EGFL6: variants seen among roughly 807,000 people sequenced by gnomAD.
The protein encoded by EGFL6 is EGF like domain multiple 6.
In EGFL6, 42 loss-of-function variants were observed where a neutral mutation model predicts 43.1. The ratio of observed to expected loss-of-function variants is 0.98; its 90% CI spans 0.76 to 1.26. The LOEUF is 1.26. Ranked by LOEUF, EGFL6 falls within the 50% of genes most tolerant of loss-of-function variation. The pLI is 0.00. For missense variants in EGFL6, 429 were observed against 427.8 expected, an observed-to-expected ratio of 1.00 and a Z score of -0.02; for synonymous variants, 164 against 163.2, an observed-to-expected ratio of 1.01 and a Z score of -0.04.
chrX:13,598,424 C>G (rs2045612122), intron 3 of EGFL6, among the ~76,000 whole-genome samples: 1 of 111,592 alleles, frequency 9.0e-6, no homozygotes, highest in African/African-American at 3.3e-5. Context: ...TGTATGTTCC[C>G]TGGTAGAGTT....
intron 3 of EGFL6, among the ~76,000 whole-genome samples, chrX:13,595,613 TG>T (rs770654301): frequency 4.4e-5 from 5 of 112,586 alleles, no homozygotes; most frequent in Admixed American, 2.8e-4. Context: ...AATCTAACAT[TG>T]TTCTCTGCAT....
chrX:13,584,132 C>T (rs1040138195), intron 1 of EGFL6, among the ~76,000 whole-genome samples: 1 of 111,848 alleles, frequency 8.9e-6, no homozygotes, highest in African/African-American at 3.3e-5. Context: ...AAAGAGATAG[C>T]TAAGGCATAG....
intron 5 of EGFL6, among the ~76,000 whole-genome samples, chrX:13,603,758 G>A (rs1483303830): frequency 8.9e-6 from 1 of 112,045 alleles, no homozygotes; most frequent in African/African-American, 3.2e-5. Context: ...GTCATTTAAT[G>A]AGTAAGGTCC....
At chrX:13,631,539 T>C (rs757851540) in intron 11 of EGFL6, among the ~76,000 whole-genome samples, 32 of 111,491 alleles carry the variant, frequency 2.9e-4, no homozygotes, top group Non-Finnish European at 6.0e-4. Flanking sequence ...TCCAGCACTT[T>C]GGGAGGCCTA....
chrX:13,621,526 A>G (rs755015874), intron 9 of EGFL6, among the ~76,000 whole-genome samples: 2 of 112,004 alleles, frequency 1.8e-5, no homozygotes, highest in East Asian at 5.6e-4. Context: ...CTGAATTCCA[A>G]ACTGACTTTA....
At chrX:13,593,871 A>G (rs757727628) in intron 2 of EGFL6, among the ~76,000 whole-genome samples, 53 of 111,527 alleles carry the variant, frequency 4.8e-4, no homozygotes, top group African/African-American at 1.6e-3. Context: ...TATCTTTAAG[A>G]ATAGGCTTTC....
intron 2 of EGFL6, 141 bp from the exon 3 acceptor site, chrX:13,594,695 G>T: frequency 2.4e-6 from 1 of 414,447 alleles, no homozygotes. Context: ...GTGTGGTATT[G>T]CCTCCCTTCA....
At chrX:13,581,438 T>TAA (rs201049817) in intron 1 of EGFL6, among the ~76,000 whole-genome samples, 70 of 111,332 alleles carry the variant, frequency 6.3e-4, no homozygotes, top group African/African-American at 1.8e-3. Context: ...GGAGCTATGA[T>TAA]AAAAAAAATA....
In EGFL6 at chrX:13,584,243, C is replaced by T. The variant is rs762986703; in HGVS notation, c.75-5313C>T. Among the ~76,000 whole-genome samples the T allele has an allele frequency of 5.4e-5, 6 of 111,476 alleles. No homozygotes were observed. The East Asian group carries it at 1.4e-3, about 26-fold the overall frequency. On this transcript the variant is annotated intron_variant, in intron 1 of 11. Coordinates refer to ENST00000361306, the MANE Select transcript of EGFL6 (RefSeq NM_015507.4). ...AGTCCTGACCACCATGTTATGCAGC[C>T]TCTCAACATTCAGAGTTGATCCCAC...
rs1203340970 is a variant in EGFL6, at chrX:13,626,866, C to T, written c.1286-145C>T. 3 of 631,247 alleles carry T rather than the reference C, an allele frequency of 4.8e-6. No homozygotes were observed. In the Admixed American group the frequency reaches 1.1e-4, roughly 22 times the overall value. The allele number at this position is 631,247 out of a possible 1,213,427, so 52.0% of individuals were successfully genotyped here. A position where few individuals can be genotyped will look rare whatever the true frequency, so the allele number is the denominator to read the frequency against. On this transcript the variant is annotated intron_variant, in intron 10 of 11. Transcript: ENST00000361306. ...CCCTAAAATCCATTTTAGCATGAAA[C>T]TTTTATTCCTATGTTCAAAATGAAA...
intron 9 of EGFL6, among the ~76,000 whole-genome samples, chrX:13,619,668 G>A (rs1236660825): frequency 8.9e-6 from 1 of 111,950 alleles, no homozygotes; most frequent in African/African-American, 3.2e-5. Context: ...GCCCTCAGTG[G>A]CCTACAGCAA....
chrX:13,629,541 C>A (rs761324304), intron 11 of EGFL6, among the ~76,000 whole-genome samples: 2 of 111,320 alleles, frequency 1.8e-5, no homozygotes, highest in Non-Finnish European at 3.8e-5. Flanking sequence ...TCCTTGAATT[C>A]TTCAGTTCTA....
At chrX:13,592,649 G>A (rs1019256504) in intron 2 of EGFL6, among the ~76,000 whole-genome samples, 7 of 110,112 alleles carry the variant, frequency 6.4e-5, no homozygotes, top group African/African-American at 2.0e-4. Flanking sequence ...TGGAGTTCTC[G>A]AAGTTGAGTG....
chrX:13,630,052 T>A (rs1000701075), intron 11 of EGFL6, among the ~76,000 whole-genome samples: 7 of 111,851 alleles, frequency 6.3e-5, no homozygotes, highest in Non-Finnish European at 1.3e-4. Flanking sequence ...GGCAACCATT[T>A]TCTGCCCAGG....
chrX:13,602,281 A>T (rs765978962), intron 4 of EGFL6, among the ~76,000 whole-genome samples: 1 of 111,401 alleles, frequency 9.0e-6, no homozygotes, highest in South Asian at 3.8e-4. Context: ...CCCCTCTGTT[A>T]TGGACATTGG....
chrX:13,623,036 A>T (rs1282335681), intron 9 of EGFL6, among the ~76,000 whole-genome samples: 2 of 110,322 alleles, frequency 1.8e-5, no homozygotes, highest in Admixed American at 9.7e-5. Context: ...AAAAAAATTT[A>T]AAAATTAGCT....
chrX:13,586,877 A>G (rs2045536550), intron 1 of EGFL6, among the ~76,000 whole-genome samples: 1 of 112,690 alleles, frequency 8.9e-6, no homozygotes, highest in African/African-American at 3.2e-5. Flanking sequence ...TATCCATATT[A>G]TGGAATATTA....
chrX:13,594,772 T>G (rs1476048169), intron 2 of EGFL6, 64 bp from the exon 3 acceptor site: 2 of 1,061,484 alleles, frequency 1.9e-6, no homozygotes, highest in Non-Finnish European at 2.6e-6. Flanking sequence ...CAGCGAAGTT[T>G]TGCGTGCATT....
intron 1 of EGFL6, among the ~76,000 whole-genome samples, chrX:13,582,133 G>T (rs1381187031): frequency 9.2e-6 from 1 of 108,488 alleles, no homozygotes; most frequent in Non-Finnish European, 1.9e-5. Flanking sequence ...CGCAATCTCG[G>T]CTGACTGCAA....
Sources: allele counts gnomAD v4.1 joint callset (sites outside exome capture counted in the v4.1 genomes callset), GRCh38; gene constraint gnomAD v4.1.1; transcripts MANE v1.5; gene names NCBI Gene and HGNC (gene_info 2026-07-23, HGNC 2026-07-21).